Variants in NCKAP5 observed in about 807,000 individuals in gnomAD.
The protein encoded by NCKAP5 is NCK associated protein 5.
NCKAP5 carries 92 observed loss-of-function variants against 167.0 expected under a neutral mutation model. The ratio of observed to expected loss-of-function variants is 0.55; its 90% CI spans 0.47 to 0.66. The LOEUF (loss-of-function observed/expected upper bound fraction) is 0.66. NCKAP5 is among the 30% of genes least tolerant of loss of function. The probability of loss-of-function intolerance (pLI) is 0.00; values close to 1 mark genes in which losing one functional copy is unlikely to be tolerated. For missense variants in NCKAP5, 2,378 were observed against 2,315.0 expected (o/e 1.03, Z -0.56); for synonymous variants, 891 against 877.4 (o/e 1.02, Z -0.27).
At chr2:133,221,945 A>T (rs2086678392) in intron 4 of NCKAP5, among the ~76,000 whole-genome samples, 2 of 152,224 alleles carry the variant, frequency 1.3e-5, no homozygotes, top group Admixed American at 1.3e-4. Flanking sequence ...ATTCCAGGTC[A>T]CTTCTTTGAG....
chr2:133,654,784 G>A, the NCKAP5 span, among the ~76,000 whole-genome samples: 61 of 152,306 alleles, frequency 4.0e-4, 1 homozygote, highest in African/African-American at 1.4e-3. Context: ...AAGTGTAATT[G>A]GTGAAGGAAC....
intron 16 of NCKAP5, among the ~76,000 whole-genome samples, chr2:132,772,681 T>C (rs1360429237): frequency 3.3e-5 from 5 of 152,202 alleles, no homozygotes; most frequent in African/African-American, 1.2e-4. Flanking sequence ...TTTGGAATAA[T>C]AATCTTATTC....
chr2:133,342,584 A>G (rs1683672489), intron 3 of NCKAP5, among the ~76,000 whole-genome samples: 2 of 152,076 alleles, frequency 1.3e-5, no homozygotes, highest in Non-Finnish European at 2.9e-5. Flanking sequence ...TTCCAGAGGT[A>G]TTTTGTTCTT....
At chr2:132,718,449 A>G (rs1573978362) in intron 19 of NCKAP5, among the ~76,000 whole-genome samples, 1 of 152,234 alleles carries the variant, frequency 6.6e-6, no homozygotes, top group Non-Finnish European at 1.5e-5. Flanking sequence ...TGGGACAGAG[A>G]CTATGAGAAT....
chr2:133,462,229 C>G (rs1331259002), intron 3 of NCKAP5, among the ~76,000 whole-genome samples: 1 of 152,124 alleles, frequency 6.6e-6, no homozygotes, highest in South Asian at 2.1e-4. Flanking sequence ...AGATTGCATC[C>G]CTTTTGGGTC....
At chr2:133,595,594 G>A in the NCKAP5 span, among the ~76,000 whole-genome samples, 2 of 151,932 alleles carry the variant, frequency 1.3e-5, no homozygotes, top group Non-Finnish European at 2.9e-5. Context: ...ACAGAGCCTG[G>A]ACTTTCCTCT....
chr2:133,470,700 A>T (rs184333939), intron 3 of NCKAP5, among the ~76,000 whole-genome samples: 64 of 152,330 alleles, frequency 4.2e-4, no homozygotes, highest in African/African-American at 1.5e-3. Context: ...CAGGTGCAGG[A>T]TATAATCTCG....
At chr2:133,523,991 A>G (rs977224313) in intron 2 of NCKAP5, among the ~76,000 whole-genome samples, 7 of 152,186 alleles carry the variant, frequency 4.6e-5, no homozygotes, top group Non-Finnish European at 7.3e-5. Context: ...CAGGGATCAG[A>G]GTAAAAACAG....
At chr2:133,308,113 G>A (rs949511862) in intron 3 of NCKAP5, among the ~76,000 whole-genome samples, 4 of 130,060 alleles carry the variant, frequency 3.1e-5, no homozygotes, top group South Asian at 2.4e-4. Flanking sequence ...TTTTGAGACG[G>A]AGTCTCGCTC....
At chr2:133,264,606 T>C (rs751972058) in intron 4 of NCKAP5, among the ~76,000 whole-genome samples, 6 of 152,158 alleles carry the variant, frequency 3.9e-5, no homozygotes, top group Non-Finnish European at 8.8e-5. Context: ...TTTTCCAAAG[T>C]AATGTCCATA....
chr2:133,577,502 T>C, the NCKAP5 span, among the ~76,000 whole-genome samples: 4 of 152,312 alleles, frequency 2.6e-5, no homozygotes, highest in East Asian at 3.9e-4. Flanking sequence ...TTTTCTTCTT[T>C]TTTTTAATAG....
intron 3 of NCKAP5, among the ~76,000 whole-genome samples, chr2:133,498,095 T>C (rs549133377): frequency 8.5e-4 from 129 of 152,308 alleles, no homozygotes; most frequent in African/African-American, 2.9e-3. Flanking sequence ...TTTTAGTGAT[T>C]TCGGTTTTTG....
At chr2:133,472,519 G>A (rs555830808) in intron 3 of NCKAP5, among the ~76,000 whole-genome samples, 1 of 152,020 alleles carries the variant, frequency 6.6e-6, no homozygotes, top group African/African-American at 2.4e-5. Context: ...ATCCTTTAAA[G>A]GTTGGGGTTC....
chr2:133,545,671 T>G (rs1686598188), intron 2 of NCKAP5, among the ~76,000 whole-genome samples: 1 of 152,132 alleles, frequency 6.6e-6, no homozygotes, highest in African/African-American at 2.4e-5. Context: ...TCACTAACTA[T>G]GTATCTACCT....
At chr2:133,070,106 A>G (rs1032046972) in intron 6 of NCKAP5, among the ~76,000 whole-genome samples, 2 of 152,200 alleles carry the variant, frequency 1.3e-5, no homozygotes, top group African/African-American at 4.8e-5. Flanking sequence ...ATATTCATGT[A>G]TGGAGTTTGT....
intron 3 of NCKAP5, among the ~76,000 whole-genome samples, chr2:133,443,898 T>G (rs1016150196): frequency 1.3e-5 from 2 of 152,204 alleles, no homozygotes; most frequent in East Asian, 1.9e-4. Flanking sequence ...CTGGTATGTT[T>G]TAGATAATTT....
At chr2:133,521,845 G>A (rs548920056) in intron 2 of NCKAP5, among the ~76,000 whole-genome samples, 2 of 152,270 alleles carry the variant, frequency 1.3e-5, no homozygotes, top group African/African-American at 4.8e-5. Context: ...TTTTCAGTCA[G>A]GTTTCAAATC....
intron 3 of NCKAP5, among the ~76,000 whole-genome samples, chr2:133,491,073 A>G (rs1575051997): frequency 2.0e-5 from 3 of 152,206 alleles, no homozygotes; most frequent in African/African-American, 7.2e-5. Context: ...AAATTCTCAA[A>G]GTGATCTCAC....
At chr2:133,666,626 T>C in the NCKAP5 span, among the ~76,000 whole-genome samples, 1 of 152,096 alleles carries the variant, frequency 6.6e-6, no homozygotes, top group African/African-American at 2.4e-5. Flanking sequence ...AAAATAATGT[T>C]GTAATGAATA....
Sources: allele counts gnomAD v4.1 joint callset (sites outside exome capture counted in the v4.1 genomes callset), GRCh38; gene constraint gnomAD v4.1.1; transcripts MANE v1.5; gene names NCBI Gene and HGNC (gene_info 2026-07-23, HGNC 2026-07-21).